Variants in PCDHGB1 observed in about 807,000 individuals in gnomAD.
PCDHGB1 encodes the protein protocadherin gamma subfamily B, 1, also known as protocadherin gamma-B1.
Under a neutral mutation model 56.6 loss-of-function variants are expected in PCDHGB1, and 34 were observed. The ratio of observed to expected loss-of-function variants is 0.60; its 90% CI spans 0.46 to 0.80. The LOEUF (loss-of-function observed/expected upper bound fraction) is 0.80. Ranked by LOEUF, PCDHGB1 falls within the 30% of genes least tolerant of loss-of-function variation. The pLI, the probability that PCDHGB1 is intolerant of heterozygous loss-of-function variation, is 0.00. For synonymous variants in PCDHGB1, 561 were observed against 505.9 expected (o/e 1.11, Z -1.46); for missense variants, 1,278 against 1,204.6 (o/e 1.06, Z -0.90).
rs761528900 is a variant in PCDHGB1 at position 141,376,319 on chromosome 5, G to A, written c.2409+23650G>A. The A allele has an allele frequency of 2.5e-6, 4 of 1,614,220 alleles. No homozygotes were observed. In the East Asian group the frequency reaches 6.7e-5, roughly 27 times the overall value. On this transcript the variant is annotated intron_variant, in intron 1 of 3. Coordinates refer to ENST00000523390, the MANE Select transcript of PCDHGB1 (RefSeq NM_018922.3). ...CTCGCACTTTGTGGGCGTGGAAGGGGTTCGGGCTTTCCTGCAGACCTATTC... is the reference window on the plus strand; with the variant it reads ...CTCGCACTTTGTGGGCGTGGAAGGGATTCGGGCTTTCCTGCAGACCTATTC...
In PCDHGB1 at chr5:141,476,802, C is replaced by T; in HGVS notation, c.2410-18005C>T. 2 of 1,613,638 alleles carry T rather than the reference C, an allele frequency of 1.2e-6. No homozygotes were observed. The highest frequency in any genetic ancestry group is 1.7e-6 in the Non-Finnish European group (2 of 1,180,020). On this transcript the variant is annotated intron_variant, in intron 1 of 3. Coordinates refer to ENST00000523390, the MANE Select transcript of PCDHGB1 (RefSeq NM_018922.3). The surrounding 1 kb of genome is among the most constrained non-coding windows in gnomAD (Gnocchi z 7.6). ...ACCCCAGCTCTCTCCGCCAGCCTGC[C>T]TATTCACATCAAGGTGCTGGACGCG... is the stretch of plus-strand genomic sequence containing the variant.
intron 1 of PCDHGB1, chr5:141,384,916 G>T (rs1215010105): frequency 1.2e-6 from 2 of 1,613,886 alleles, no homozygotes; most frequent in Non-Finnish European, 1.7e-6. Flanking sequence ...CGAAGTCTTG[G>T]CCGACCTGGG....
rs2095356668 is a variant in PCDHGB1, at chr5:141,410,094, C to T, written c.2409+57425C>T. Reference sequence around the variant, plus strand: ...ACTGGGGAGGTGCGCACGGCTCGAGCCTTAGGCGACAGGGACGCAGCCCGC... The same window carrying T: ...ACTGGGGAGGTGCGCACGGCTCGAGTCTTAGGCGACAGGGACGCAGCCCGC... On this transcript the variant is annotated intron_variant, in intron 1 of 3. Coordinates refer to ENST00000523390, the MANE Select transcript of PCDHGB1 (RefSeq NM_018922.3). 6.2e-7 allele frequency: 1 copy of T among 1,612,528 alleles called. No homozygotes were observed. Among genetic ancestry groups the T allele is most frequent in the Non-Finnish European group, 8.5e-7 (1 of 1,179,670 alleles).
At chr5:141,378,354 C>T (rs994186879) in intron 1 of PCDHGB1, 5 of 152,210 alleles carry the variant, frequency 3.3e-5, no homozygotes, top group African/African-American at 1.2e-4. Flanking sequence ...GAAACCCCGT[C>T]TCTACTAAAA....
At chr5:141,508,903 G>A (rs1410291297) in intron 3 of PCDHGB1, among the ~76,000 whole-genome samples, 1 of 152,086 alleles carries the variant, frequency 6.6e-6, no homozygotes, top group East Asian at 1.9e-4. Flanking sequence ...GGGCGGGGCG[G>A]TGGCGGATCT....
intron 1 of PCDHGB1, among the ~76,000 whole-genome samples, chr5:141,469,414 A>C (rs1455286338): frequency 1.3e-5 from 2 of 152,118 alleles, no homozygotes; most frequent in Non-Finnish European, 2.9e-5. Flanking sequence ...GTTTCTACTA[A>C]AAATATAAAA....
chr5:141,424,026 C>G, intron 1 of PCDHGB1: 1 of 1,041,918 alleles, frequency 9.6e-7, no homozygotes, highest in Non-Finnish European at 1.2e-6. Context: ...TTCACAAACA[C>G]TTTTTATTTC....
rs776349562 is a variant in PCDHGB1 at position 141,491,131 on chromosome 5, G to T, written c.2410-3676G>T. The T allele has an allele frequency of 6.2e-7, 1 of 1,614,182 alleles. No individual in the cohort carries two copies. Among genetic ancestry groups the T allele is most frequent in the Non-Finnish European group, 8.5e-7 (1 of 1,180,008 alleles). On this transcript the variant is annotated intron_variant, in intron 1 of 3. Coordinates refer to ENST00000523390, the MANE Select transcript of PCDHGB1 (RefSeq NM_018922.3). This position sits in a 1 kb window ranked among gnomAD's most constrained non-coding sequence, Gnocchi z 6.9. ...TACACACACTGGTGAGGTGCGCACA[G>T]CCCGGGCCTTACTGGAGGATGACTC...
chr5:141,352,692 A>T, intron 1 of PCDHGB1, 23 bp downstream of exon 1: 1 of 1,558,284 alleles, frequency 6.4e-7, no homozygotes, highest in Non-Finnish European at 8.7e-7. Flanking sequence ...AAATCTAGTT[A>T]AATTTTATAT....
intron 1 of PCDHGB1, chr5:141,384,391 G>A: frequency 1.2e-6 from 2 of 1,613,920 alleles, no homozygotes; most frequent in Non-Finnish European, 1.7e-6. Context: ...CACCATCCAG[G>A]GGGCTCCAGT....
At chr5:141,360,594 A>C (rs1375239245) in intron 1 of PCDHGB1, 1 of 1,614,032 alleles carries the variant, frequency 6.2e-7, no homozygotes, top group Admixed American at 1.7e-5. Flanking sequence ...CAACATTTCC[A>C]CTTGACCCAG....
Position 141,476,682 on chromosome 5 carries a change from A to G in PCDHGB1, c.2410-18125A>G, listed in dbSNP as rs987205396. The G allele has an allele frequency of 6.2e-7, 1 of 1,614,072 alleles. No individual in the cohort carries two copies. Among genetic ancestry groups the G allele is most frequent in the African/African-American group, 1.3e-5 (1 of 74,934 alleles). ...GCGCTTCGCGTGCAGACGCGGGAGG[A>G]CAGCACCAAGTACGCGGAGCTGGTG... On this transcript the variant is annotated intron_variant, in intron 1 of 3. Coordinates refer to ENST00000523390, the MANE Select transcript of PCDHGB1 (RefSeq NM_018922.3). The surrounding 1 kb of genome is among the most constrained non-coding windows in gnomAD (Gnocchi z 7.6).
At chr5:141,400,259 T>A (rs2150848027) in intron 1 of PCDHGB1, 2 of 1,614,016 alleles carry the variant, frequency 1.2e-6, no homozygotes, top group Non-Finnish European at 1.7e-6. Flanking sequence ...GCCTTGCGCC[T>A]GCGACGCTCC....
chr5:141,413,671 G>A (rs2095665360), intron 1 of PCDHGB1: 13 of 1,613,878 alleles, frequency 8.1e-6, no homozygotes, highest in Non-Finnish European at 9.3e-6. Flanking sequence ...TGATCCGGAT[G>A]TGGGCGTGAA....
At position 141,362,384 on chromosome 5, in the gene PCDHGB1, A is replaced by G. The variant is rs1333592752; in HGVS notation, c.2409+9715A>G. The G allele has an allele frequency of 1.9e-6, 3 of 1,614,042 alleles. No homozygotes were observed. The highest frequency in any genetic ancestry group is 2.5e-6 in the Non-Finnish European group (3 of 1,179,894). On this transcript the variant is annotated intron_variant, in intron 1 of 3. Coordinates refer to ENST00000523390, the MANE Select transcript of PCDHGB1 (RefSeq NM_018922.3). ...AATTACAGTGAGGGTACATTGCCCTATTCCTACAACCTGTGTGTTGCCTCA... is the reference window on the plus strand; with the variant it reads ...AATTACAGTGAGGGTACATTGCCCTGTTCCTACAACCTGTGTGTTGCCTCA...
intron 1 of PCDHGB1, chr5:141,378,927 G>C (rs2150134897): frequency 6.6e-6 from 1 of 152,318 alleles, no homozygotes; most frequent in Admixed American, 6.5e-5. Context: ...AAAGTAAGTT[G>C]ATGGCCCTGG....
chr5:141,413,891 C>G, intron 1 of PCDHGB1: 1 of 1,613,382 alleles, frequency 6.2e-7, no homozygotes, highest in East Asian at 2.2e-5. Flanking sequence ...GTCTTCGATG[C>G]AAATGACAAC....
intron 1 of PCDHGB1, among the ~76,000 whole-genome samples, chr5:141,433,449 T>C (rs2097611087): frequency 6.6e-6 from 1 of 152,068 alleles, no homozygotes; most frequent in Non-Finnish European, 1.5e-5. Context: ...TTGAGCAGGC[T>C]GATCTGAAAC....
rs67622091 is a variant in PCDHGB1 at position 141,388,335 on chromosome 5, C to T, written c.2409+35666C>T. ...AAGTGAGTCTGCACAGCCTGGCACA[C>T]GATTTATATTAGGATCTGCCCATGA... On this transcript the variant is annotated intron_variant, in intron 1 of 3. Transcript: ENST00000523390. 13 of 1,613,842 alleles carry T rather than the reference C, an allele frequency of 8.1e-6. No homozygotes were observed. In the East Asian group the frequency reaches 1.8e-4, roughly 22 times the overall value.
Sources: allele counts gnomAD v4.1 joint callset (sites outside exome capture counted in the v4.1 genomes callset), GRCh38; gene constraint gnomAD v4.1.1; non-coding constraint Gnocchi (gnomAD v3.1); transcripts MANE v1.5; gene names NCBI Gene and HGNC (gene_info 2026-07-23, HGNC 2026-07-21).